SCLT1: variants seen among roughly 807,000 people sequenced by gnomAD.
The protein encoded by SCLT1 is sodium channel-associated protein 1.
SCLT1 carries 78 observed loss-of-function variants against 112.8 expected under a neutral mutation model. The ratio of observed to expected loss-of-function variants is 0.69; its 90% CI spans 0.58 to 0.83. SCLT1 has a LOEUF of 0.83. SCLT1 is among the 40% of genes least tolerant of loss of function. The pLI is 0.00. For missense variants in SCLT1, 747 were observed against 770.4 expected, an observed-to-expected ratio of 0.97 and a Z score of 0.36; for synonymous variants, 257 against 254.7, an observed-to-expected ratio of 1.01 and a Z score of -0.09.
At chr4:129,069,740 CTTTA>C (rs1183359602) in intron 2 of SCLT1, among the ~76,000 whole-genome samples, 5 of 152,058 alleles carry the variant, frequency 3.3e-5, no homozygotes, top group African/African-American at 4.8e-5. Context: ...TCTGGATGCC[CTTTA>C]TTTCTTTCTC....
chr4:129,031,433 T>C (rs1204456823), intron 5 of SCLT1, among the ~76,000 whole-genome samples: 1 of 152,042 alleles, frequency 6.6e-6, no homozygotes, highest in Non-Finnish European at 1.5e-5. Context: ...ACCACTCCTA[T>C]TAAACATAGT....
chr4:128,881,318 T>C (rs1008710637), downstream of SCLT1, among the ~76,000 whole-genome samples: 1 of 152,250 alleles, frequency 6.6e-6, no homozygotes, highest in Non-Finnish European at 1.5e-5. Context: ...AAAGACATTA[T>C]GGTTAAAGAA....
intron 5 of SCLT1, among the ~76,000 whole-genome samples, chr4:129,024,335 C>G (rs1324927842): frequency 1.3e-5 from 2 of 152,190 alleles, no homozygotes; most frequent in Non-Finnish European, 2.9e-5. Context: ...TGGCCGGGTA[C>G]TCCTCTGAGA....
At chr4:128,983,907 G>A (rs1741880098) in intron 9 of SCLT1, among the ~76,000 whole-genome samples, 1 of 152,056 alleles carries the variant, frequency 6.6e-6, no homozygotes, top group Non-Finnish European at 1.5e-5. Context: ...CTAAATTCTG[G>A]TAATGTCAAT....
intron 11 of SCLT1, among the ~76,000 whole-genome samples, chr4:128,962,686 CA>C (rs1332996949): frequency 6.6e-6 from 1 of 152,186 alleles, no homozygotes; most frequent in African/African-American, 2.4e-5. Flanking sequence ...GACTCATACA[CA>C]ACTTGTTTAT....
intron 1 of SCLT1, among the ~76,000 whole-genome samples, chr4:129,087,288 T>A (rs1309676359): frequency 1.3e-5 from 2 of 152,210 alleles, no homozygotes; most frequent in Admixed American, 1.3e-4. Flanking sequence ...AAATTAAGTT[T>A]GTATTTTAAA....
chr4:128,880,462 A>G (rs1732615276), downstream of SCLT1, among the ~76,000 whole-genome samples: 1 of 152,192 alleles, frequency 6.6e-6, no homozygotes. Flanking sequence ...CTTTAGAGCT[A>G]TCAAATGAGG....
At position 128,954,347 on chromosome 4, in the gene SCLT1, C is replaced by A. The variant is rs1407428364; in HGVS notation, c.1147-1507G>T. ...TTTTTTTTTTTTTTTGAGACAGAGTCTCGCTCTGTTGCCCAGGCTGGAGTG... is the reference window on the plus strand; with the variant it reads ...TTTTTTTTTTTTTTTGAGACAGAGTATCGCTCTGTTGCCCAGGCTGGAGTG... On this transcript the variant is annotated intron_variant, in intron 13 of 20. Transcript: ENST00000281142. Among the ~76,000 whole-genome samples, 110 of 143,446 alleles carry A rather than the reference C, an allele frequency of 7.7e-4. 1 individual carries two copies. The highest frequency in any genetic ancestry group is 1.3e-3 in the Non-Finnish European group (87 of 66,468). The allele number at this position is 143,446 out of a possible 152,430, so 94.1% of individuals were successfully genotyped here. A position where few individuals can be genotyped will look rare whatever the true frequency, so the allele number is the denominator to read the frequency against.
At chr4:128,926,422 G>A (rs919992420) in intron 18 of SCLT1, among the ~76,000 whole-genome samples, 33 of 152,186 alleles carry the variant, frequency 2.2e-4, no homozygotes, top group Non-Finnish European at 5.9e-5. Context: ...TATCTTTAAT[G>A]TTCTAGAAGA....
chr4:129,010,196 G>A (rs1245700307), intron 5 of SCLT1, among the ~76,000 whole-genome samples: 1 of 152,120 alleles, frequency 6.6e-6, no homozygotes, highest in Non-Finnish European at 1.5e-5. Context: ...CATTGCTTGA[G>A]TTAGGTTTGT....
intron 7 of SCLT1, among the ~76,000 whole-genome samples, chr4:128,998,892 A>G (rs1169754152): frequency 6.6e-6 from 1 of 151,956 alleles, no homozygotes; most frequent in Non-Finnish European, 1.5e-5. Flanking sequence ...AGCTGAAGAG[A>G]GGTATGAAAA....
chr4:128,974,263 C>T (rs1005830322), intron 9 of SCLT1, among the ~76,000 whole-genome samples: 9 of 152,004 alleles, frequency 5.9e-5, no homozygotes, highest in African/African-American at 2.2e-4. Flanking sequence ...AATATCTAGC[C>T]TTGACTCTTA....
intron 9 of SCLT1, among the ~76,000 whole-genome samples, chr4:128,991,861 T>C (rs1388818655): frequency 1.3e-5 from 2 of 151,882 alleles, no homozygotes; most frequent in East Asian, 3.9e-4. Context: ...CTAGGTATTA[T>C]AAGTTATCAG....
chr4:128,919,095 A>G (rs1043132355), intron 18 of SCLT1, among the ~76,000 whole-genome samples: 2 of 152,072 alleles, frequency 1.3e-5, no homozygotes, highest in Non-Finnish European at 2.9e-5. Flanking sequence ...ATATTTATAG[A>G]CCTCTCCACC....
chr4:128,961,856 C>T (rs923197807), intron 11 of SCLT1, among the ~76,000 whole-genome samples: 1 of 152,210 alleles, frequency 6.6e-6, no homozygotes, highest in Non-Finnish European at 1.5e-5. Flanking sequence ...GTTATGGTTA[C>T]ACATTCTCAG....
At chr4:129,019,649 AT>A (rs1030925997) in intron 5 of SCLT1, among the ~76,000 whole-genome samples, 2 of 150,612 alleles carry the variant, frequency 1.3e-5, no homozygotes, top group African/African-American at 4.9e-5. Flanking sequence ...ATTTTTGTGT[AT>A]TTTTTTATAT....
intron 18 of SCLT1, among the ~76,000 whole-genome samples, chr4:128,919,430 G>A (rs1735712347): frequency 6.6e-6 from 1 of 152,104 alleles, no homozygotes; most frequent in Admixed American, 6.5e-5. Context: ...GCAGTGTTAA[G>A]CAGAAGTTTA....
chr4:128,979,120 T>G (rs1444976769), intron 9 of SCLT1, among the ~76,000 whole-genome samples: 2 of 152,164 alleles, frequency 1.3e-5, no homozygotes, highest in Non-Finnish European at 2.9e-5. Flanking sequence ...TAAGTTATAT[T>G]ATATTGCAAC....
At chr4:128,961,769 C>T (rs1201884683) in intron 11 of SCLT1, among the ~76,000 whole-genome samples, 20 of 152,166 alleles carry the variant, frequency 1.3e-4, no homozygotes. Context: ...AATCTGTTGC[C>T]ACTTTAGTGT....
Sources: allele counts gnomAD v4.1 joint callset (sites outside exome capture counted in the v4.1 genomes callset), GRCh38; gene constraint gnomAD v4.1.1; transcripts MANE v1.5; gene names NCBI Gene and HGNC (gene_info 2026-07-23, HGNC 2026-07-21).